CIROZ: variants seen among roughly 807,000 people sequenced by gnomAD.
The protein encoded by CIROZ is ciliated left-right organizer ZP-N domains-containing protein.
At chr1:10,976,489 T>C in the CIROZ span, among the ~76,000 whole-genome samples, 2 of 151,838 alleles carry the variant, frequency 1.3e-5, no homozygotes, top group Non-Finnish European at 2.9e-5. Flanking sequence ...TAGCTTGGGA[T>C]TACAGGCACA....
the CIROZ span, chr1:10,955,293 A>T: frequency 9.7e-6 from 10 of 1,034,312 alleles, no homozygotes; most frequent in Non-Finnish European, 1.4e-5. Flanking sequence ...TGGCCGGCAC[A>T]GCACACTTCC....
the CIROZ span, among the ~76,000 whole-genome samples, chr1:10,977,414 C>T: frequency 1.3e-5 from 2 of 151,908 alleles, no homozygotes; most frequent in African/African-American, 2.4e-5. Flanking sequence ...GCCCAGTAGG[C>T]GGAGATTGCA....
chr1:10,951,743 A>ATATAT, the CIROZ span, among the ~76,000 whole-genome samples: 279 of 124,410 alleles, frequency 2.2e-3, 2 homozygotes, highest in African/African-American at 9.0e-3. Flanking sequence ...AAAAAAAAAA[A>ATATAT]AAATATATAT....
the CIROZ span, chr1:10,947,809 C>G: frequency 6.3e-7 from 1 of 1,599,772 alleles, no homozygotes; most frequent in Admixed American, 1.7e-5. Flanking sequence ...TATTCAAGCT[C>G]CACCAGGCTG....
At chr1:10,965,495 G>A in the CIROZ span, among the ~76,000 whole-genome samples, 1 of 152,158 alleles carries the variant, frequency 6.6e-6, no homozygotes, top group Admixed American at 6.5e-5. Context: ...ACACCGAGGC[G>A]GGAGGATGGC....
chr1:10,957,130 C>G, the CIROZ span: 2 of 1,537,288 alleles, frequency 1.3e-6, no homozygotes, highest in East Asian at 2.5e-5. Context: ...GGGGGTCCCC[C>G]CTGAGGTCTC....
chr1:10,971,911 A>G, the CIROZ span, among the ~76,000 whole-genome samples: 1 of 152,214 alleles, frequency 6.6e-6, no homozygotes, highest in Non-Finnish European at 1.5e-5. Flanking sequence ...AAGCTGGAGA[A>G]TAAGAGAAGC....
chr1:10,948,945 C>T, the CIROZ span: 9 of 1,206,752 alleles, frequency 7.5e-6, no homozygotes, highest in Non-Finnish European at 9.9e-6. Context: ...GTTCGAGGGA[C>T]CGGGTGCGGT....
chr1:10,966,807 G>C, the CIROZ span, among the ~76,000 whole-genome samples: 1 of 152,036 alleles, frequency 6.6e-6, no homozygotes, highest in South Asian at 2.1e-4. Context: ...GCAGCCCGCA[G>C]GATCCTGTTC....
the CIROZ span, chr1:10,981,995 G>A: frequency 6.5e-7 from 1 of 1,537,224 alleles, no homozygotes; most frequent in Non-Finnish European, 8.7e-7. Flanking sequence ...CCCAATTCCT[G>A]AATAAGGGAC....
the CIROZ span, chr1:10,970,152 G>A: frequency 5.8e-6 from 8 of 1,370,400 alleles, no homozygotes; most frequent in Middle Eastern, 1.9e-4. Context: ...AAGGAAGGAA[G>A]GAAGAAAGGA....
the CIROZ span, among the ~76,000 whole-genome samples, chr1:10,949,970 G>A: frequency 6.6e-6 from 1 of 151,878 alleles, no homozygotes; most frequent in Non-Finnish European, 1.5e-5. Flanking sequence ...ATGTCCATTG[G>A]CTGAATTTCA....
At chr1:10,948,655 G>A in the CIROZ span, 6 of 1,613,122 alleles carry the variant, frequency 3.7e-6, no homozygotes, top group Non-Finnish European at 5.1e-6. Flanking sequence ...GGCCGCCAGG[G>A]ACTAGCCTGG....
At chr1:10,967,196 A>G in the CIROZ span, among the ~76,000 whole-genome samples, 3 of 149,112 alleles carry the variant, frequency 2.0e-5, no homozygotes, top group Non-Finnish European at 4.4e-5. Flanking sequence ...AAAAAAACAA[A>G]GCCCTTGAAA....
At chr1:10,946,519 A>T in the CIROZ span, 1 of 152,154 alleles carries the variant, frequency 6.6e-6, no homozygotes. Flanking sequence ...GGCGTTGCCG[A>T]CGGTCTCCTC....
the CIROZ span, among the ~76,000 whole-genome samples, chr1:10,975,442 AGCCAG>A: frequency 6.7e-6 from 1 of 148,618 alleles, no homozygotes; most frequent in Non-Finnish European, 1.5e-5. Context: ...CACAAAAATT[AGCCAG>A]GTGTGGTGGT....
chr1:10,957,175 CAG>C, the CIROZ span: 1 of 1,291,836 alleles, frequency 7.7e-7, no homozygotes, highest in Non-Finnish European at 1.1e-6. Flanking sequence ...ACTCCCTCCA[CAG>C]GGGCCCCCTC....
At chr1:10,948,932 T>G in the CIROZ span, 1 of 1,310,454 alleles carries the variant, frequency 7.6e-7, no homozygotes, top group South Asian at 2.1e-5. Flanking sequence ...AACCCAAAGA[T>G]GGGTTCGAGG....
At chr1:10,976,454 C>G in the CIROZ span, among the ~76,000 whole-genome samples, 1 of 151,948 alleles carries the variant, frequency 6.6e-6, no homozygotes, top group African/African-American at 2.4e-5. Context: ...CCGGTTTAAG[C>G]AGTTCTCTGC....
Sources: allele counts gnomAD v4.1 joint callset (sites outside exome capture counted in the v4.1 genomes callset), GRCh38; gene constraint gnomAD v4.1.1; transcripts MANE v1.5; gene names NCBI Gene and HGNC (gene_info 2026-07-23, HGNC 2026-07-21).